FRMD5: variants seen among roughly 807,000 people sequenced by gnomAD.
The protein encoded by FRMD5 is FERM domain-containing protein 5.
In FRMD5, 20 loss-of-function variants were observed where a neutral mutation model predicts 69.0. That is an observed-to-expected ratio of 0.29 (90% CI 0.20 to 0.42). The LOEUF (loss-of-function observed/expected upper bound fraction) is 0.42, where lower values mean the gene tolerates loss of function less well. Among genes scored for constraint, FRMD5 ranks in the 10% least tolerant of loss-of-function variants. The probability of loss-of-function intolerance (pLI) is 1.00; values close to 1 mark genes in which losing one functional copy is unlikely to be tolerated. For synonymous variants in FRMD5, 271 were observed against 260.1 expected (o/e 1.04, Z -0.40); for missense variants, 595 against 708.6 (o/e 0.84, Z 1.82).
intron 1 of FRMD5, among the ~76,000 whole-genome samples, chr15:43,980,663 C>T (rs1450314265): frequency 6.6e-6 from 1 of 152,124 alleles, no homozygotes; most frequent in Non-Finnish European, 1.5e-5. Flanking sequence ...TTTAAATACC[C>T]AAACCACACA....
intron 1 of FRMD5, among the ~76,000 whole-genome samples, chr15:44,044,315 T>C (rs1312272645): frequency 6.6e-6 from 1 of 152,206 alleles, no homozygotes; most frequent in Non-Finnish European, 1.5e-5. Flanking sequence ...ACTTTTACAC[T>C]GTTGGTGGGA....
intron 13 of FRMD5, among the ~76,000 whole-genome samples, chr15:43,883,230 G>A (rs772731944): frequency 2.0e-5 from 3 of 151,908 alleles, no homozygotes; most frequent in Non-Finnish European, 2.9e-5. Context: ...CCCCCGAGTA[G>A]CTGGGATTAG....
chr15:43,937,321 G>C (rs149738974), intron 1 of FRMD5, among the ~76,000 whole-genome samples: 1 of 152,066 alleles, frequency 6.6e-6, no homozygotes, highest in African/African-American at 2.4e-5. Context: ...AATAAACTCC[G>C]GGACAGAGTT....
intron 1 of FRMD5, among the ~76,000 whole-genome samples, chr15:44,037,934 T>C (rs1891996252): frequency 6.6e-6 from 1 of 152,192 alleles, no homozygotes; most frequent in African/African-American, 2.4e-5. Flanking sequence ...AAAGCATTCC[T>C]ATTTCTCCAC....
At chr15:43,919,562 C>T (rs756272766) in intron 3 of FRMD5, 25 bp from the exon 4 acceptor site, 13 of 1,610,148 alleles carry the variant, frequency 8.1e-6, no homozygotes, top group Non-Finnish European at 1.0e-5. Flanking sequence ...AGGTGCTCAT[C>T]AGGGAAGACT....
chr15:43,978,608 G>T (rs1244425297), intron 1 of FRMD5, among the ~76,000 whole-genome samples: 1 of 152,148 alleles, frequency 6.6e-6, no homozygotes, highest in Non-Finnish European at 1.5e-5. Context: ...CTGGAGTGCA[G>T]TGGCGCAATA....
At chr15:44,177,978 G>A (rs1168595675) in intron 1 of FRMD5, among the ~76,000 whole-genome samples, 1 of 152,166 alleles carries the variant, frequency 6.6e-6, no homozygotes, top group Non-Finnish European at 1.5e-5. Flanking sequence ...GAACTGTACA[G>A]CTAAAAAAGT....
chr15:44,119,192 T>A (rs1034242646), intron 1 of FRMD5, among the ~76,000 whole-genome samples: 3 of 152,098 alleles, frequency 2.0e-5, no homozygotes, highest in Non-Finnish European at 4.4e-5. Context: ...CCTGCTGGGC[T>A]CAAGAAATCC....
intron 1 of FRMD5, among the ~76,000 whole-genome samples, chr15:43,999,955 T>C (rs897501647): frequency 1.3e-5 from 1 of 75,798 alleles, no homozygotes; most frequent in African/African-American, 8.8e-5. Context: ...ATGCCATGCA[T>C]ATATATATAT....
intron 1 of FRMD5, among the ~76,000 whole-genome samples, chr15:44,075,451 A>T (rs542535522): frequency 6.6e-6 from 1 of 152,112 alleles, no homozygotes; most frequent in African/African-American, 2.4e-5. Context: ...TTCCATCATT[A>T]AAAAAAAGTT....
chr15:44,009,405 T>C (rs1350993162), intron 1 of FRMD5, among the ~76,000 whole-genome samples: 1 of 152,078 alleles, frequency 6.6e-6, no homozygotes, highest in Non-Finnish European at 1.5e-5. Flanking sequence ...TGTGGCTGGG[T>C]GCAGTGGCTC....
chr15:43,993,814 C>T (rs1889800396), intron 1 of FRMD5, among the ~76,000 whole-genome samples: 1 of 152,120 alleles, frequency 6.6e-6, no homozygotes. Flanking sequence ...ATGAACTGAC[C>T]TCCTTATCTT....
intron 1 of FRMD5, among the ~76,000 whole-genome samples, chr15:44,122,104 T>TA (rs1326344793): frequency 6.6e-6 from 1 of 151,828 alleles, no homozygotes; most frequent in Non-Finnish European, 1.5e-5. Context: ...GAAGCTTTGG[T>TA]AAAAAATAAA....
intron 1 of FRMD5, among the ~76,000 whole-genome samples, chr15:44,095,125 A>G (rs925617736): frequency 1.3e-5 from 2 of 152,056 alleles, no homozygotes; most frequent in Non-Finnish European, 2.9e-5. Flanking sequence ...AGTCCATCTG[A>G]GACCTGATCA....
intron 1 of FRMD5, among the ~76,000 whole-genome samples, chr15:44,154,943 G>A (rs1434060228): frequency 1.3e-5 from 2 of 151,984 alleles, no homozygotes; most frequent in African/African-American, 4.8e-5. Flanking sequence ...TATGTCTCAA[G>A]AAAGTTATTT....
chr15:44,063,843 T>A (rs916608739), intron 1 of FRMD5: 1 of 280,124 alleles, frequency 3.6e-6, no homozygotes, highest in Non-Finnish European at 6.9e-6. Flanking sequence ...CTGGGACTCA[T>A]TTAGACGGGG....
intron 1 of FRMD5, among the ~76,000 whole-genome samples, chr15:43,983,222 T>C (rs1329213025): frequency 6.6e-6 from 1 of 152,342 alleles, no homozygotes; most frequent in East Asian, 1.9e-4. Flanking sequence ...TCAGCCACCA[T>C]GCCTGGCCCC....
intron 1 of FRMD5, among the ~76,000 whole-genome samples, chr15:44,089,315 G>A (rs1013261467): frequency 1.3e-5 from 2 of 152,064 alleles, no homozygotes; most frequent in African/African-American, 4.8e-5. Flanking sequence ...AACTATTAAC[G>A]ATGGTTTTAA....
rs2077040760 is a variant in FRMD5 at position 44,127,584 on chromosome 15, AT to A, written c.102+67368del. Among the ~76,000 whole-genome samples the A allele has an allele frequency of 2.0e-5, 3 of 152,274 alleles. No individual in the cohort carries two copies. In the South Asian group the frequency reaches 6.2e-4, roughly 32 times the overall value. On this transcript the variant is annotated intron_variant, in intron 1 of 13. Coordinates refer to ENST00000417257, the MANE Select transcript of FRMD5 (RefSeq NM_032892.5). ...CCCTCAATTATATTTATTAATAAAAATAACCAGGCCGGGTGCAATGGCTCAC... is the reference window on the plus strand; with the variant it reads ...CCCTCAATTATATTTATTAATAAAAAAACCAGGCCGGGTGCAATGGCTCAC...
Sources: allele counts gnomAD v4.1 joint callset (sites outside exome capture counted in the v4.1 genomes callset), GRCh38; gene constraint gnomAD v4.1.1; transcripts MANE v1.5; gene names NCBI Gene and HGNC (gene_info 2026-07-23, HGNC 2026-07-21).